Variants in THEM4 observed in about 807,000 individuals in gnomAD.
THEM4 encodes thioesterase superfamily member 4.
A neutral mutation model predicts 25.0 loss-of-function variants in THEM4; 22 were observed. The observed-to-expected ratio is 0.88, with a 90% confidence interval of 0.63 to 1.26. The LOEUF is 1.26. Ranked by LOEUF, THEM4 falls within the 50% of genes most tolerant of loss-of-function variation. The pLI is 0.00. For synonymous variants in THEM4, 113 were observed against 105.6 expected, an observed-to-expected ratio of 1.07 and a Z score of -0.43; for missense variants, 286 against 300.3, an observed-to-expected ratio of 0.95 and a Z score of 0.35.
intron 2 of THEM4, chr1:151,889,637 A>G (rs1324164052): frequency 8.1e-6 from 3 of 371,110 alleles, no homozygotes; most frequent in African/African-American, 2.0e-5. Context: ...AATCAGGAAT[A>G]TAGTATATAA....
chr1:151,884,901 C>G (rs1653932275), intron 4 of THEM4, among the ~76,000 whole-genome samples: 1 of 151,756 alleles, frequency 6.6e-6, no homozygotes, highest in Non-Finnish European at 1.5e-5. Context: ...GTTGGTCAGG[C>G]TAGTCTCAAA....
At chr1:151,907,707 C>T (rs1392785928) in intron 1 of THEM4, among the ~76,000 whole-genome samples, 1 of 152,156 alleles carries the variant, frequency 6.6e-6, no homozygotes, top group Non-Finnish European at 1.5e-5. Flanking sequence ...ATTTCTGAGC[C>T]TTTTGGTCTT....
chr1:151,891,313 G>A (rs189427631), intron 2 of THEM4: 3 of 152,360 alleles, frequency 2.0e-5, no homozygotes, highest in Admixed American at 2.0e-4. Flanking sequence ...TTGAGTGGAA[G>A]AAGGGCTTTG....
At chr1:151,906,815 C>T (rs916378371) in intron 1 of THEM4, among the ~76,000 whole-genome samples, 8 of 152,122 alleles carry the variant, frequency 5.3e-5, no homozygotes, top group Non-Finnish European at 8.8e-5. Flanking sequence ...TCTAGCTAAT[C>T]TGGTGTGGAC....
intron 4 of THEM4, among the ~76,000 whole-genome samples, chr1:151,885,233 C>T (rs1287296647): frequency 6.6e-6 from 1 of 152,102 alleles, no homozygotes; most frequent in African/African-American, 2.4e-5. Context: ...ATTCTTCTGC[C>T]TCAGCCCCCC....
chr1:151,873,970 C>G lies in THEM4; in HGVS notation c.*918G>C, dbSNP rs1484171579. ...AAACAATCCAGTTTGTACTACTTTGCTACAGCAGCCCTAGGAAATGAACAC... is the reference window on the plus strand; with the variant it reads ...AAACAATCCAGTTTGTACTACTTTGGTACAGCAGCCCTAGGAAATGAACAC... On this transcript the variant is annotated 3_prime_UTR_variant, in exon 6 of 6. Coordinates refer to ENST00000368814, the MANE Select transcript of THEM4 (RefSeq NM_053055.5). 6.6e-6 allele frequency: 1 copy of G among 152,168 alleles called. No individual in the cohort carries two copies. Among genetic ancestry groups the G allele is most frequent in the Non-Finnish European group, 1.5e-5 (1 of 68,018 alleles). 9.4% of individuals were successfully genotyped at this position (152,168 alleles called of 1,614,324 possible).
intron 4 of THEM4, among the ~76,000 whole-genome samples, chr1:151,888,000 C>T (rs373221342): frequency 6.6e-4 from 100 of 152,298 alleles, no homozygotes; most frequent in African/African-American, 2.4e-3. Flanking sequence ...CTAGCTCCCT[C>T]ATCTGAGATG....
intron 2 of THEM4, 40 bp downstream of exon 2, chr1:151,894,968 T>C (rs1654185603): frequency 6.3e-7 from 1 of 1,592,452 alleles, no homozygotes; most frequent in Non-Finnish European, 8.6e-7. Flanking sequence ...GCTTTATATT[T>C]GATGCTCAGA....
chr1:151,872,323 G>A lies in THEM4; in HGVS notation c.*2565C>T, dbSNP rs532655384. On this transcript the variant is annotated 3_prime_UTR_variant, in exon 6 of 6. Coordinates refer to ENST00000368814, the MANE Select transcript of THEM4 (RefSeq NM_053055.5). Reference sequence around the variant, plus strand: ...TGACTGGGTAGGGTACCACAAGGCTGTCCCTAAGTTATTAGGTTGAACCAT... The same window carrying A: ...TGACTGGGTAGGGTACCACAAGGCTATCCCTAAGTTATTAGGTTGAACCAT... Among the ~76,000 whole-genome samples, 1 of 152,178 alleles carries A rather than the reference G, an allele frequency of 6.6e-6. No individual in the cohort carries two copies. Among genetic ancestry groups the A allele is most frequent in the South Asian group, 2.1e-4 (1 of 4,834 alleles).
chr1:151,885,329 G>A (rs1653943017), intron 4 of THEM4, among the ~76,000 whole-genome samples: 1 of 151,620 alleles, frequency 6.6e-6, no homozygotes, highest in South Asian at 2.1e-4. Flanking sequence ...ATGTTGACCA[G>A]GGTGGTCTTG....
At chr1:151,903,167 C>T (rs1261265596) in intron 1 of THEM4, among the ~76,000 whole-genome samples, 1 of 152,040 alleles carries the variant, frequency 6.6e-6, no homozygotes, top group East Asian at 1.9e-4. Flanking sequence ...GTTCATCCTT[C>T]CAGAACCCAG....
At chr1:151,882,063 G>T (rs1180219195) in intron 4 of THEM4, among the ~76,000 whole-genome samples, 3 of 151,304 alleles carry the variant, frequency 2.0e-5, no homozygotes, top group Admixed American at 6.6e-5. Context: ...GCTAAACATA[G>T]ATCTGAAAAT....
intron 4 of THEM4, among the ~76,000 whole-genome samples, chr1:151,885,873 G>A (rs925279348): frequency 2.0e-5 from 3 of 152,326 alleles, no homozygotes; most frequent in African/African-American, 7.2e-5. Flanking sequence ...TAAGGCATCT[G>A]ATGATTAATT....
chr1:151,880,815 A>G (rs1572073458), intron 4 of THEM4, among the ~76,000 whole-genome samples: 1 of 152,122 alleles, frequency 6.6e-6, no homozygotes, highest in African/African-American at 2.4e-5. Context: ...TAAAAATTCA[A>G]TATTATAATC....
chr1:151,884,878 G>A (rs563584643), intron 4 of THEM4, among the ~76,000 whole-genome samples: 319 of 151,210 alleles, frequency 2.1e-3, no homozygotes, highest in Admixed American at 3.4e-3. Flanking sequence ...TAGTAGAGAC[G>A]GGGTTTCACC....
chr1:151,893,021 G>A (rs1206343518), intron 2 of THEM4, among the ~76,000 whole-genome samples: 3 of 152,098 alleles, frequency 2.0e-5, no homozygotes, highest in Non-Finnish European at 4.4e-5. Flanking sequence ...AGAGGTTAGC[G>A]GACTCAGCAA....
At chr1:151,884,207 A>G (rs1291369178) in intron 4 of THEM4, among the ~76,000 whole-genome samples, 1 of 152,204 alleles carries the variant, frequency 6.6e-6, no homozygotes, top group African/African-American at 2.4e-5. Flanking sequence ...CTGATTAAAA[A>G]AAATACAGAA....
chr1:151,894,531 A>C (rs1250440407), intron 2 of THEM4, among the ~76,000 whole-genome samples: 1 of 152,186 alleles, frequency 6.6e-6, no homozygotes, highest in African/African-American at 2.4e-5. Context: ...ATGCTAAAAA[A>C]GTATATTAGT....
At chr1:151,895,281 C>G in intron 1 of THEM4, 87 bp from the exon 2 acceptor site, 1 of 1,174,650 alleles carries the variant, frequency 8.5e-7, no homozygotes, top group South Asian at 1.5e-5. Flanking sequence ...GATTATCTTG[C>G]TGCTTTTCTT....
Sources: gnomAD v4.1 joint callset for allele counts (sites outside exome capture counted in the v4.1 genomes callset) on GRCh38, gnomAD v4.1.1 for gene constraint, MANE v1.5 for transcripts, NCBI Gene and HGNC (gene_info 2026-07-23, HGNC 2026-07-21) for gene names.